Variants in NRXN3 observed in about 807,000 individuals in gnomAD.
NRXN3 encodes neurexin 3.
In NRXN3, 32 loss-of-function variants were observed where a neutral mutation model predicts 137.6. That is an observed-to-expected ratio of 0.23 (90% confidence interval 0.18 to 0.31). The LOEUF is 0.31. Among genes scored for constraint, NRXN3 ranks in the 10% least tolerant of loss-of-function variants. NRXN3 has a pLI of 1.00. For synonymous variants in NRXN3, 798 were observed against 784.5 expected, an observed-to-expected ratio of 1.02 and a Z score of -0.29; for missense variants, 1,574 against 2,062.5, an observed-to-expected ratio of 0.76 and a Z score of 4.59.
chr14:78,755,569 T>C (rs1331659092), intron 8 of NRXN3, among the ~76,000 whole-genome samples: 1 of 152,256 alleles, frequency 6.6e-6, no homozygotes, highest in Non-Finnish European at 1.5e-5. Context: ...TTCTATTGAC[T>C]GCTAGGTGTG....
At chr14:78,656,055 T>A (rs977317050) in intron 6 of NRXN3, among the ~76,000 whole-genome samples, 1 of 152,150 alleles carries the variant, frequency 6.6e-6, no homozygotes, top group Non-Finnish European at 1.5e-5. Flanking sequence ...TGTCACATTG[T>A]GGGTTAGAAT....
chr14:79,738,391 G>A (rs1010402858), intron 19 of NRXN3, among the ~76,000 whole-genome samples: 1 of 150,560 alleles, frequency 6.6e-6, no homozygotes, highest in African/African-American at 2.5e-5. Context: ...CTGGAGTGAA[G>A]CAGCCACAAG....
intron 15 of NRXN3, among the ~76,000 whole-genome samples, chr14:79,174,511 A>G (rs2062106046): frequency 6.7e-6 from 1 of 148,730 alleles, no homozygotes; most frequent in South Asian, 2.1e-4. Context: ...TTATATATAT[A>G]TATATATACA....
chr14:78,502,445 G>A (rs976382761), intron 4 of NRXN3, among the ~76,000 whole-genome samples: 1 of 152,136 alleles, frequency 6.6e-6, no homozygotes, highest in African/African-American at 2.4e-5. Context: ...CCTCCTGGGA[G>A]CCACTAGGTC....
intron 15 of NRXN3, among the ~76,000 whole-genome samples, chr14:79,045,357 G>A (rs950652698): frequency 4.6e-5 from 7 of 152,086 alleles, no homozygotes; most frequent in Non-Finnish European, 8.8e-5. Context: ...CTGATCCTAG[G>A]CACTGCACCT....
chr14:78,472,897 C>T (rs994286607), intron 4 of NRXN3, among the ~76,000 whole-genome samples: 1 of 149,420 alleles, frequency 6.7e-6, no homozygotes, highest in Non-Finnish European at 1.5e-5. Context: ...TGGATTTAGC[C>T]AGCAAAGAGA....
chr14:78,297,013 A>G (rs757874668), intron 3 of NRXN3, among the ~76,000 whole-genome samples: 18 of 152,210 alleles, frequency 1.2e-4, no homozygotes, highest in South Asian at 8.3e-4. Flanking sequence ...TTCCTGAACC[A>G]AGGAGCTCTT....
intron 16 of NRXN3, among the ~76,000 whole-genome samples, chr14:79,642,641 A>G (rs2098438286): frequency 1.5e-5 from 2 of 134,960 alleles, no homozygotes; most frequent in Admixed American, 1.6e-4. Flanking sequence ...CTGTTTGTTT[A>G]GTACACCATG....
chr14:79,766,377 T>C (rs925587762), intron 19 of NRXN3, among the ~76,000 whole-genome samples: 2 of 152,240 alleles, frequency 1.3e-5, no homozygotes, highest in African/African-American at 4.8e-5. Context: ...CCGCATCTTA[T>C]GTATCAGTGA....
intron 14 of NRXN3, among the ~76,000 whole-genome samples, chr14:78,977,140 T>C (rs1489956350): frequency 6.6e-6 from 1 of 152,170 alleles, no homozygotes; most frequent in Non-Finnish European, 1.5e-5. Context: ...TAGTAAGTGA[T>C]TAAACTGGAT....
At chr14:78,828,050 C>T (rs536648205) in intron 10 of NRXN3, among the ~76,000 whole-genome samples, 295 of 152,232 alleles carry the variant, frequency 1.9e-3, no homozygotes, top group African/African-American at 6.8e-3. Flanking sequence ...TGGTTCATGT[C>T]GCAATTACCT....
At chr14:78,951,482 C>A (rs774090030) in intron 10 of NRXN3, among the ~76,000 whole-genome samples, 10 of 152,136 alleles carry the variant, frequency 6.6e-5, no homozygotes, top group Non-Finnish European at 1.0e-4. Flanking sequence ...CTCAAAGAGG[C>A]CTTCCTGGAA....
intron 5 of NRXN3, among the ~76,000 whole-genome samples, chr14:78,645,978 A>T (rs2097683665): frequency 6.6e-6 from 1 of 151,322 alleles, no homozygotes; most frequent in South Asian, 2.1e-4. Context: ...ATTAGCCGGG[A>T]TCTTTCTGAA....
At chr14:78,834,086 T>C (rs1263093400) in intron 10 of NRXN3, among the ~76,000 whole-genome samples, 2 of 152,080 alleles carry the variant, frequency 1.3e-5, no homozygotes, top group Admixed American at 1.3e-4. Flanking sequence ...AGAATGTATG[T>C]ATGGCTGGTG....
At chr14:79,384,669 T>C (rs528077789) in intron 15 of NRXN3, among the ~76,000 whole-genome samples, 196 of 152,252 alleles carry the variant, frequency 1.3e-3, no homozygotes, top group African/African-American at 4.6e-3. Context: ...TGAAGGTGTT[T>C]AGGACCTGAG....
chr14:79,016,710 G>A (rs917827946), intron 15 of NRXN3, among the ~76,000 whole-genome samples: 1 of 152,170 alleles, frequency 6.6e-6, no homozygotes. Flanking sequence ...TAACTCTGCT[G>A]TTGTCTAACT....
chr14:79,781,471 C>T (rs2099113618), intron 19 of NRXN3, among the ~76,000 whole-genome samples: 1 of 152,218 alleles, frequency 6.6e-6, no homozygotes, highest in Non-Finnish European at 1.5e-5. Context: ...CATTCATTCC[C>T]TTGCTCATGC....
intron 8 of NRXN3, among the ~76,000 whole-genome samples, chr14:78,717,075 T>C (rs991715986): frequency 6.6e-6 from 1 of 152,216 alleles, no homozygotes; most frequent in Non-Finnish European, 1.5e-5. Flanking sequence ...GCCAAAGTGT[T>C]GCAGATCTTC....
intron 4 of NRXN3, among the ~76,000 whole-genome samples, chr14:78,346,301 T>A (rs1247741539): frequency 6.6e-6 from 1 of 152,098 alleles, no homozygotes; most frequent in Admixed American, 6.5e-5. Context: ...TCTCATGTCC[T>A]TTGTATTTGC....
Sources: gnomAD v4.1 joint callset for allele counts (sites outside exome capture counted in the v4.1 genomes callset) on GRCh38, gnomAD v4.1.1 for gene constraint, MANE v1.5 for transcripts, NCBI Gene and HGNC (gene_info 2026-07-23, HGNC 2026-07-21) for gene names.